Variants in CCDC171 observed in about 807,000 individuals in gnomAD.
The protein encoded by CCDC171 is coiled-coil domain containing 171, also known as coiled-coil domain-containing protein 171.
CCDC171 carries 177 observed loss-of-function variants against 168.2 expected under a neutral mutation model. The ratio of observed to expected loss-of-function variants is 1.05; its 90% CI spans 0.93 to 1.19. The LOEUF (loss-of-function observed/expected upper bound fraction) is 1.19. Among genes scored for constraint, CCDC171 ranks in the 50% most tolerant of loss-of-function variants. The pLI is 0.00. For missense variants in CCDC171, 1,991 were observed against 1,539.0 expected, an observed-to-expected ratio of 1.29 and a Z score of -4.91; for synonymous variants, 687 against 540.8, an observed-to-expected ratio of 1.27 and a Z score of -3.75.
intron 1 of CCDC171, among the ~76,000 whole-genome samples, chr9:16,058,984 C>T (rs1407799829): frequency 6.6e-6 from 1 of 152,202 alleles, no homozygotes; most frequent in Non-Finnish European, 1.5e-5. Context: ...TCCCACAATG[C>T]ATTCCTGTCC....
chr9:15,770,385 C>T (rs1367867019), intron 18 of CCDC171, among the ~76,000 whole-genome samples: 2 of 152,114 alleles, frequency 1.3e-5, no homozygotes, highest in East Asian at 3.8e-4. Flanking sequence ...AACTATATTA[C>T]AGAAAAATTA....
intron 7 of CCDC171, among the ~76,000 whole-genome samples, chr9:15,654,257 C>T (rs1321151780): frequency 6.7e-6 from 1 of 150,360 alleles, no homozygotes; most frequent in African/African-American, 2.4e-5. Flanking sequence ...GAAATATTTT[C>T]CATAGGGTTG....
intron 23 of CCDC171, among the ~76,000 whole-genome samples, chr9:15,862,788 G>A (rs1454483102): frequency 1.3e-5 from 2 of 151,994 alleles, no homozygotes; most frequent in African/African-American, 4.8e-5. Flanking sequence ...GGGTTCTAGA[G>A]TATGCTAGAA....
chr9:15,791,941 C>G lies in CCDC171; in HGVS notation c.3267+7247C>G, dbSNP rs952980662. ...CCTCTCCCCCTCCAGAGGAACGCAG[C>G]TCCTCACCAGCAATGGAACAAAGCT... On this transcript the variant is annotated intron_variant, in intron 21 of 25. Transcript: ENST00000380701. Among the ~76,000 whole-genome samples the G allele has an allele frequency of 3.3e-5, 5 of 152,176 alleles. No homozygotes were observed. The South Asian group carries it at 1.0e-3, about 32-fold the overall frequency.
chr9:15,632,030 A>G (rs1338370337), intron 7 of CCDC171, among the ~76,000 whole-genome samples: 1 of 152,168 alleles, frequency 6.6e-6, no homozygotes, highest in Non-Finnish European at 1.5e-5. Flanking sequence ...TCAAAATAAT[A>G]AGAGCTCTTT....
rs146380206 is a variant in CCDC171 at position 15,940,994 on chromosome 9, A to G, written c.3753+20572A>G. Among the ~76,000 whole-genome samples, 21 of 152,050 alleles carry G rather than the reference A, an allele frequency of 1.4e-4. No homozygotes were observed. In the East Asian group the frequency reaches 3.7e-3, roughly 27 times the overall value. ...GTGGAGATTGGACTAGATAATCTCT[A>G]AGGTGCCTTCTGGTACTAAACAAGT... On this transcript the variant is annotated intron_variant, in intron 25 of 25. Coordinates refer to ENST00000380701, the MANE Select transcript of CCDC171 (RefSeq NM_173550.4).
intron 21 of CCDC171, among the ~76,000 whole-genome samples, chr9:15,789,861 T>C (rs1201713009): frequency 2.6e-5 from 4 of 151,448 alleles, no homozygotes; most frequent in Non-Finnish European, 5.9e-5. Flanking sequence ...GTTTGGTTTT[T>C]TGTCCCTGCA....
At chr9:15,694,008 G>A (rs2051022649) in intron 10 of CCDC171, among the ~76,000 whole-genome samples, 1 of 152,062 alleles carries the variant, frequency 6.6e-6, no homozygotes, top group South Asian at 2.1e-4. Context: ...ATCTCACCAA[G>A]GTCACCAATG....
chr9:15,691,793 C>T (rs1024191231), intron 10 of CCDC171, among the ~76,000 whole-genome samples: 2 of 152,052 alleles, frequency 1.3e-5, no homozygotes, highest in East Asian at 3.9e-4. Context: ...CTTCCCACCT[C>T]AACCTGCTGA....
chr9:16,038,759 G>T (rs946497850), upstream of CCDC171, among the ~76,000 whole-genome samples: 3 of 148,294 alleles, frequency 2.0e-5, no homozygotes, highest in African/African-American at 4.9e-5. Context: ...CACAGAGATT[G>T]TTAACTTGGA....
intron 24 of CCDC171, among the ~76,000 whole-genome samples, chr9:15,884,546 G>A (rs1315707138): frequency 3.9e-5 from 6 of 152,164 alleles, no homozygotes; most frequent in African/African-American, 1.4e-4. Context: ...TAACAGCATA[G>A]TATTTGGAAA....
chr9:15,978,983 C>A (rs1831707433), downstream of CCDC171, among the ~76,000 whole-genome samples: 1 of 152,104 alleles, frequency 6.6e-6, no homozygotes, highest in South Asian at 2.1e-4. Flanking sequence ...GTAAATAGAA[C>A]AATATGTATT....
the CCDC171 span, among the ~76,000 whole-genome samples, chr9:16,067,713 A>T: frequency 2.6e-5 from 4 of 152,206 alleles, no homozygotes; most frequent in Non-Finnish European, 4.4e-5. Context: ...CATTTATTAA[A>T]TAGGGAATCC....
intron 4 of CCDC171, among the ~76,000 whole-genome samples, chr9:15,580,572 C>A (rs1376659315): frequency 6.6e-6 from 1 of 151,860 alleles, no homozygotes; most frequent in Non-Finnish European, 1.5e-5. Context: ...GGGCAAAGGA[C>A]ATATATAGAC....
intron 6 of CCDC171, among the ~76,000 whole-genome samples, chr9:15,601,043 C>T (rs2042808955): frequency 6.6e-6 from 1 of 152,164 alleles, no homozygotes; most frequent in Non-Finnish European, 1.5e-5. Flanking sequence ...CACCCCTTTC[C>T]TTGGCTAGGA....
At chr9:15,903,059 G>A (rs572579906) in intron 24 of CCDC171, among the ~76,000 whole-genome samples, 6 of 152,300 alleles carry the variant, frequency 3.9e-5, no homozygotes, top group African/African-American at 9.6e-5. Flanking sequence ...GGAGCCCACC[G>A]CAGCTCAAGG....
At chr9:15,569,247 G>C (rs1371314435) in intron 2 of CCDC171, among the ~76,000 whole-genome samples, 1 of 152,136 alleles carries the variant, frequency 6.6e-6, no homozygotes, top group African/African-American at 2.4e-5. Context: ...TTGTAGTGCA[G>C]TGGTTAAGAG....
chr9:15,567,495 A>G (rs1024529489), intron 2 of CCDC171, among the ~76,000 whole-genome samples: 1 of 152,168 alleles, frequency 6.6e-6, no homozygotes, highest in Non-Finnish European at 1.5e-5. Flanking sequence ...GGGTTTTAAT[A>G]GGGATTATAT....
At chr9:15,926,150 A>G (rs1825866688) in intron 25 of CCDC171, among the ~76,000 whole-genome samples, 2 of 151,914 alleles carry the variant, frequency 1.3e-5, no homozygotes, top group African/African-American at 4.8e-5. Context: ...ATGTATGTGT[A>G]GGAGTCTCTG....
Sources: allele counts gnomAD v4.1 joint callset (sites outside exome capture counted in the v4.1 genomes callset), GRCh38; gene constraint gnomAD v4.1.1; transcripts MANE v1.5; gene names NCBI Gene and HGNC (gene_info 2026-07-23, HGNC 2026-07-21).